The following ARR3 variants were observed in gnomAD, a reference collection of about 807,000 sequenced individuals.
The protein encoded by ARR3 is arrestin-C.
A neutral mutation model predicts 35.4 loss-of-function variants in ARR3; 14 were observed. The observed-to-expected ratio is 0.40, with a 90% CI of 0.26 to 0.62. The LOEUF (loss-of-function observed/expected upper bound fraction) is 0.62, where lower values mean the gene tolerates loss of function less well. Among genes scored for constraint, ARR3 ranks in the 20% least tolerant of loss-of-function variants. The pLI is 0.46. For synonymous variants in ARR3, 97 were observed against 119.1 expected (o/e 0.81, Z 1.21); for missense variants, 259 against 303.8 (o/e 0.85, Z 1.10).
chrX:70,277,964 T>C (rs748511058), intron 10 of ARR3, 102 bp from the exon 11 acceptor site: 20 of 887,603 alleles, frequency 2.3e-5, no homozygotes, highest in Non-Finnish European at 2.9e-5. Flanking sequence ...CACTGCATCA[T>C]GTATAGTGTG....
chrX:70,279,631 C>A (rs1376952594), intron 12 of ARR3, among the ~76,000 whole-genome samples: 2 of 112,533 alleles, frequency 1.8e-5, no homozygotes, highest in Non-Finnish European at 3.7e-5. Flanking sequence ...GCAAATACAA[C>A]CCAACAGTTA....
At chrX:70,281,134 C>A in intron 16 of ARR3, 26 bp downstream of exon 16, 3 of 1,207,718 alleles carry the variant, frequency 2.5e-6, no homozygotes, top group Non-Finnish European at 3.4e-6. Flanking sequence ...ATTGGGAAGC[C>A]CCATTCCCCT....
intron 8 of ARR3, 120 bp from the exon 9 acceptor site, chrX:70,277,274 C>G: frequency 1.0e-6 from 1 of 975,825 alleles, no homozygotes; most frequent in African/African-American, 1.9e-5. Context: ...GAGGAGTTCT[C>G]TGAGGGAGGC....
chrX:70,271,548 T>A (rs1015397992), intron 5 of ARR3, among the ~76,000 whole-genome samples: 2 of 112,121 alleles, frequency 1.8e-5, no homozygotes, highest in African/African-American at 6.5e-5. Flanking sequence ...CAAAAATCTA[T>A]CTGGAATCTC....
chrX:70,281,397 C>T (rs2085683919), intron 16 of ARR3, among the ~76,000 whole-genome samples: 1 of 109,918 alleles, frequency 9.1e-6, no homozygotes, highest in African/African-American at 3.3e-5. Flanking sequence ...TTACTTCTTT[C>T]GTCTTTCATT....
At chrX:70,268,952 G>T (rs964064052) in intron 1 of ARR3, among the ~76,000 whole-genome samples, 8 of 111,915 alleles carry the variant, frequency 7.1e-5, no homozygotes, top group African/African-American at 2.0e-4. Context: ...TGTGCCAGGG[G>T]ATGTCTAGCC....
intron 16 of ARR3, 125 bp from the exon 17 acceptor site, chrX:70,281,551 G>A: frequency 1.8e-6 from 1 of 563,132 alleles, no homozygotes; most frequent in South Asian, 2.6e-5. Flanking sequence ...CCAAGAGGGG[G>A]CCGAGGAGCC....
chrX:70,277,848 T>C lies in ARR3; in HGVS notation c.694+48T>C, dbSNP rs748805470. On this transcript the variant is annotated intron_variant, in intron 10 of 16. Coordinates refer to ENST00000307959, the MANE Select transcript of ARR3 (RefSeq NM_004312.3). Reference sequence around the variant, plus strand: ...GTGCACCTGGTCCCAAAGCCACAGGTCTTTTCCCAAAATTCTATCTCACTT... The same window carrying C: ...GTGCACCTGGTCCCAAAGCCACAGGCCTTTTCCCAAAATTCTATCTCACTT... The C allele has an allele frequency of 8.4e-5, 93 of 1,103,329 alleles. 1 individual carries two copies. The South Asian group carries it at 1.6e-3, about 20-fold the overall frequency. The allele number at this position is 1,103,329 out of a possible 1,213,427, so 90.9% of individuals were successfully genotyped here. A position where few individuals can be genotyped will look rare whatever the true frequency, so the allele number is the denominator to read the frequency against.
Position 70,269,890 on chromosome X carries a change from G to A in ARR3, c.87G>A (p.Thr29=), listed in dbSNP as rs745442722. The A allele has an allele frequency of 2.2e-5, 27 of 1,206,965 alleles. No homozygotes were observed. In the East Asian group the frequency reaches 2.4e-4, roughly 11 times the overall value. The change falls in exon 4 of 17, where the codon ACG becomes ACA. Residue 29 remains threonine, a synonymous_variant. Transcript: ENST00000307959. The part of the protein sequence containing the change: ...GKRDFVDHVD[T]VEPIDGVVLV... Reference sequence around the variant, plus strand: ...GGGACTTCGTGGACCATGTGGACACGGTGGAACCCATTGGTCAGTGAGTCC... The same window carrying A: ...GGGACTTCGTGGACCATGTGGACACAGTGGAACCCATTGGTCAGTGAGTCC...
chrX:70,270,162 T>G lies in ARR3; in HGVS notation c.145+18T>G. On this transcript the variant is annotated intron_variant, in intron 5 of 16. Transcript: ENST00000307959. ...TCGAAAGTGTAAGTGGAAATCCTTG[T>G]TGGTCTTTGTATGTTTCAGACAGGT... 8.3e-7 allele frequency: 1 copy of G among 1,204,782 alleles called. No individual in the cohort carries two copies. Among genetic ancestry groups the G allele is most frequent in the Non-Finnish European group, 1.1e-6 (1 of 888,994 alleles).
rs368473475 is a variant in ARR3, at chrX:70,277,542, C to T, written c.609+13C>T. On this transcript the variant is annotated intron_variant, in intron 9 of 16. Coordinates refer to ENST00000307959, the MANE Select transcript of ARR3 (RefSeq NM_004312.3). ...GATGGACAGGGAGGTTTGTGACCCCCACTTTTTGCCTCCCACCCCAGAACC... is the reference window on the plus strand; with the variant it reads ...GATGGACAGGGAGGTTTGTGACCCCTACTTTTTGCCTCCCACCCCAGAACC... 3 of 1,205,908 alleles carry T rather than the reference C, an allele frequency of 2.5e-6. No homozygotes were observed. Among genetic ancestry groups the T allele is most frequent in the African/African-American group, 3.5e-5 (2 of 57,682 alleles).
chrX:70,277,580 T>C (rs746346364), intron 9 of ARR3, 51 bp downstream of exon 9: 9 of 1,193,971 alleles, frequency 7.5e-6, no homozygotes, highest in African/African-American at 5.2e-5. Context: ...TCTGATGCCC[T>C]TTCTTCACTG....
chrX:70,277,011 C>G lies in ARR3; in HGVS notation c.473+275C>G, dbSNP rs1010832690. 2.7e-5 allele frequency among the ~76,000 whole-genome samples: 3 copies of G among 112,873 alleles called. No homozygotes were observed. In the Admixed American group the frequency reaches 2.8e-4, roughly 11 times the overall value. ...TCTGCCGTTGTAGTGCAATCGCAGC[C>G]ACAGATAGTATAGAAATGAATGAGT... On this transcript the variant is annotated intron_variant, in intron 8 of 16. Transcript: ENST00000307959.
In ARR3 at chrX:70,275,607, A is replaced by C. The variant is rs923236723; in HGVS notation, c.146-475A>C. 3.9e-5 allele frequency among the ~76,000 whole-genome samples: 4 copies of C among 103,735 alleles called. 1 individual carries two copies. Among genetic ancestry groups the C allele is most frequent in the Non-Finnish European group, 7.8e-5 (4 of 51,058 alleles). 90.1% of individuals were successfully genotyped at this position (103,735 alleles called of 115,157 possible). A position where few individuals can be genotyped will look rare whatever the true frequency, so the allele number is the denominator to read the frequency against. On this transcript the variant is annotated intron_variant, in intron 5 of 16. Coordinates refer to ENST00000307959, the MANE Select transcript of ARR3 (RefSeq NM_004312.3). The stretch of plus-strand genomic sequence containing the variant: ...TATAAAGACTTTTAACATAAATTTT[A>C]CTGCAGTCAAATGTATTAAGAATCT...
intron 5 of ARR3, among the ~76,000 whole-genome samples, chrX:70,274,492 C>A (rs1001517007): frequency 8.9e-6 from 1 of 112,639 alleles, no homozygotes; most frequent in African/African-American, 3.2e-5. Flanking sequence ...TGAGCTACCA[C>A]GCCCAGCCTT....
At chrX:70,281,165 T>C in intron 16 of ARR3, 57 bp downstream of exon 16, 2 of 1,185,463 alleles carry the variant, frequency 1.7e-6, no homozygotes, top group Non-Finnish European at 1.1e-6. Flanking sequence ...CCACCCTCCA[T>C]GTTATGACGA....
At position 70,277,376 on chromosome X, in the gene ARR3, C is replaced by G. The variant is rs774100453; in HGVS notation, c.474-18C>G. On this transcript the variant is annotated intron_variant, in intron 8 of 16. Transcript: ENST00000307959. ...CTGAAAGGAGGACGCTCTGGCTAAT[C>G]TCTTGGTCTCTGCTCAGAGACTATG... 16 of 1,204,844 alleles carry G rather than the reference C, an allele frequency of 1.3e-5. No individual in the cohort carries two copies. In the Admixed American group the frequency reaches 3.3e-4, roughly 25 times the overall value.
chrX:70,274,533 G>T (rs971516946), intron 5 of ARR3, among the ~76,000 whole-genome samples: 12 of 112,507 alleles, frequency 1.1e-4, no homozygotes, highest in Admixed American at 1.0e-3. Flanking sequence ...TAACCTTGTT[G>T]GCACAGGTCT....
At chrX:70,277,929 T>C in intron 10 of ARR3, 129 bp downstream of exon 10, 2 of 861,250 alleles carry the variant, frequency 2.3e-6, no homozygotes, top group Non-Finnish European at 3.3e-6. Context: ...AAAATGCATA[T>C]CTTGTTTTGT....
Sources: gnomAD v4.1 joint callset for allele counts (sites outside exome capture counted in the v4.1 genomes callset) on GRCh38, gnomAD v4.1.1 for gene constraint, MANE v1.5 for transcripts, NCBI Gene and HGNC (gene_info 2026-07-23, HGNC 2026-07-21) for gene names.